Variants in HCN1 observed in about 807,000 individuals in gnomAD.
HCN1 encodes the protein potassium/sodium hyperpolarization-activated cyclic nucleotide-gated channel 1.
Under a neutral mutation model 78.9 loss-of-function variants are expected in HCN1, and 13 were observed. The ratio of observed to expected loss-of-function variants is 0.16; its 90% CI spans 0.11 to 0.26. The LOEUF is 0.26. Ranked by LOEUF, HCN1 falls within the 10% of genes least tolerant of loss-of-function variation. HCN1 has a pLI of 1.00. For synonymous variants in HCN1, 552 were observed against 455.5 expected (o/e 1.21, Z -2.70); for missense variants, 810 against 1,154.3 (o/e 0.70, Z 4.32).
chr5:45,552,490 G>C (rs1401895135), intron 2 of HCN1, among the ~76,000 whole-genome samples: 1 of 151,888 alleles, frequency 6.6e-6, no homozygotes, highest in Non-Finnish European at 1.5e-5. Flanking sequence ...TATTTATTTA[G>C]TATTTCCATC....
In HCN1 at chr5:45,319,549, C is replaced by G. The variant is rs138314930; in HGVS notation, c.1378-15710G>C. Among the ~76,000 whole-genome samples, 369 of 151,850 alleles carry G rather than the reference C, an allele frequency of 2.4e-3. 3 individuals are homozygous for G. The highest frequency in any genetic ancestry group is 8.3e-3 in the African/African-American group (346 of 41,476). On this transcript the variant is annotated intron_variant, in intron 5 of 7. Coordinates refer to ENST00000303230, the MANE Select transcript of HCN1 (RefSeq NM_021072.4). Reference sequence around the variant, plus strand: ...CCCAGTAAAGAGTTTCCCCCTTTTTCTATGTTAAGAGTTCTTCTTATACTC... The same window carrying G: ...CCCAGTAAAGAGTTTCCCCCTTTTTGTATGTTAAGAGTTCTTCTTATACTC...
chr5:45,492,515 T>C (rs1251458681), intron 2 of HCN1, among the ~76,000 whole-genome samples: 5 of 114,948 alleles, frequency 4.3e-5, no homozygotes, highest in African/African-American at 2.2e-4. Flanking sequence ...GCAACAGTTT[T>C]TTTGTTTTTT....
intron 3 of HCN1, among the ~76,000 whole-genome samples, chr5:45,419,591 T>C (rs1740186778): frequency 6.6e-6 from 1 of 152,206 alleles, no homozygotes; most frequent in Non-Finnish European, 1.5e-5. Flanking sequence ...GAAATTGACC[T>C]GTATGGATTC....
At chr5:45,496,896 TACTC>T (rs1742046766) in intron 2 of HCN1, among the ~76,000 whole-genome samples, 4 of 152,222 alleles carry the variant, frequency 2.6e-5, no homozygotes, top group African/African-American at 7.2e-5. Flanking sequence ...GATTCTGGTA[TACTC>T]TGTCTTTGTT....
intron 5 of HCN1, among the ~76,000 whole-genome samples, chr5:45,333,583 C>T (rs556180661): frequency 6.6e-6 from 1 of 151,782 alleles, no homozygotes; most frequent in South Asian, 2.1e-4. Context: ...GAGAGAGTTT[C>T]CTCAATGATT....
chr5:45,677,490 G>GT (rs2112083788), intron 1 of HCN1, among the ~76,000 whole-genome samples: 1 of 151,802 alleles, frequency 6.6e-6, no homozygotes, highest in East Asian at 1.9e-4. Context: ...CTCCAAAAGG[G>GT]GTATTAAGTG....
intron 3 of HCN1, among the ~76,000 whole-genome samples, chr5:45,421,560 C>CA (rs544975189): frequency 7.4e-4 from 110 of 148,742 alleles, no homozygotes; most frequent in African/African-American, 1.5e-3. Context: ...TAAAACAAAA[C>CA]AAAAAAAAAC....
At chr5:45,312,750 C>G (rs897517574) in intron 5 of HCN1, among the ~76,000 whole-genome samples, 2 of 152,208 alleles carry the variant, frequency 1.3e-5, no homozygotes, top group Non-Finnish European at 2.9e-5. Flanking sequence ...GTCCCACGCC[C>G]ACAGAGCCTT....
At chr5:45,322,756 A>G (rs1746148838) in intron 5 of HCN1, among the ~76,000 whole-genome samples, 1 of 151,834 alleles carries the variant, frequency 6.6e-6, no homozygotes, top group African/African-American at 2.4e-5. Flanking sequence ...GAGTATTTAG[A>G]AGTTTGGATT....
chr5:45,342,499 A>G (rs1440082790), intron 5 of HCN1, among the ~76,000 whole-genome samples: 1 of 151,958 alleles, frequency 6.6e-6, no homozygotes, highest in Non-Finnish European at 1.5e-5. Flanking sequence ...CGGCCACCCA[A>G]AATGCTGGGA....
chr5:45,301,642 A>T (rs1745623756), intron 6 of HCN1, among the ~76,000 whole-genome samples: 1 of 150,684 alleles, frequency 6.6e-6, no homozygotes, highest in Non-Finnish European at 1.5e-5. Flanking sequence ...GAATCACTTG[A>T]GCCTGCAGAG....
chr5:45,569,228 C>A (rs531604576), intron 2 of HCN1, among the ~76,000 whole-genome samples: 11 of 152,098 alleles, frequency 7.2e-5, no homozygotes, highest in Admixed American at 1.3e-4. Context: ...TCTGGTTCTT[C>A]ATTTCTGTAG....
At position 45,530,265 on chromosome 5, in the gene HCN1, A is replaced by G. The variant is rs561716455; in HGVS notation, c.850-68258T>C. Among the ~76,000 whole-genome samples the G allele has an allele frequency of 1.9e-4, 29 of 152,154 alleles. No homozygotes were observed. The South Asian group carries it at 6.0e-3, about 32-fold the overall frequency. The stretch of plus-strand genomic sequence containing the variant: ...TTTGAAAACACTTTATAAATCATAC[A>G]GCACTGAACACACTAAAACAAAAAT... On this transcript the variant is annotated intron_variant, in intron 2 of 7. Coordinates refer to ENST00000303230, the MANE Select transcript of HCN1 (RefSeq NM_021072.4).
At chr5:45,371,836 T>C (rs1186742940) in intron 4 of HCN1, among the ~76,000 whole-genome samples, 1 of 130,054 alleles carries the variant, frequency 7.7e-6, no homozygotes, top group Non-Finnish European at 1.6e-5. Context: ...ACTATTTATA[T>C]TATATATAAA....
At chr5:45,593,084 C>T (rs1744407449) in intron 2 of HCN1, among the ~76,000 whole-genome samples, 1 of 151,576 alleles carries the variant, frequency 6.6e-6, no homozygotes, top group Middle Eastern at 3.2e-3. Flanking sequence ...ATTACAAATC[C>T]CTTCCTCTCT....
intron 6 of HCN1, among the ~76,000 whole-genome samples, chr5:45,276,741 G>A (rs1399926617): frequency 6.6e-6 from 1 of 152,014 alleles, no homozygotes; most frequent in African/African-American, 2.4e-5. Flanking sequence ...TAACCTACTA[G>A]AGACTTTATG....
At chr5:45,687,845 A>G (rs1386264415) in intron 1 of HCN1, among the ~76,000 whole-genome samples, 1 of 152,170 alleles carries the variant, frequency 6.6e-6, no homozygotes, top group Non-Finnish European at 1.5e-5. Flanking sequence ...TTTTATCTGA[A>G]GACTTTGAAA....
Position 45,695,517 on chromosome 5 carries a change from G to T in HCN1, c.425+152C>A, listed in dbSNP as rs905593504. The T allele has an allele frequency of 3.5e-5, 24 of 694,048 alleles. No individual in the cohort carries two copies. In the African/African-American group the frequency reaches 3.8e-4, roughly 11 times the overall value. The allele number at this position is 694,048 out of a possible 1,614,324, so 43.0% of individuals were successfully genotyped here. A position where few individuals can be genotyped will look rare whatever the true frequency, so the allele number is the denominator to read the frequency against. On this transcript the variant is annotated intron_variant, in intron 1 of 7. Transcript: ENST00000303230. ...TGGGTGGAAACTACCCGGAGGCGCC[G>T]AGTGGAGCCTGCTTAGCCCGAGCCG...
intron 2 of HCN1, among the ~76,000 whole-genome samples, chr5:45,548,980 C>T (rs1743295244): frequency 2.0e-5 from 3 of 151,214 alleles, no homozygotes; most frequent in South Asian, 4.2e-4. Context: ...CAAACCACTG[C>T]TCAATGAAAT....
Sources: gnomAD v4.1 joint callset for allele counts (sites outside exome capture counted in the v4.1 genomes callset) on GRCh38, gnomAD v4.1.1 for gene constraint, MANE v1.5 for transcripts, NCBI Gene and HGNC (gene_info 2026-07-23, HGNC 2026-07-21) for gene names.